Variants in CYTH3 observed in about 807,000 individuals in gnomAD.
CYTH3 encodes cytohesin-3.
A neutral mutation model predicts 55.1 loss-of-function variants in CYTH3; 23 were observed. That is an observed-to-expected ratio of 0.42 (90% CI 0.30 to 0.59). The LOEUF is 0.59. CYTH3 is among the 20% of genes least tolerant of loss of function. The probability of loss-of-function intolerance (pLI) is 0.20; values close to 1 mark genes in which losing one functional copy is unlikely to be tolerated. For missense variants in CYTH3, 413 were observed against 524.8 expected, an observed-to-expected ratio of 0.79 and a Z score of 2.08; for synonymous variants, 249 against 194.9, an observed-to-expected ratio of 1.28 and a Z score of -2.31.
intron 1 of CYTH3, among the ~76,000 whole-genome samples, chr7:6,256,578 C>T (rs1168246185): frequency 1.3e-5 from 2 of 152,178 alleles, no homozygotes; most frequent in Non-Finnish European, 2.9e-5. Context: ...GAGAAGCCCC[C>T]AGACTCCTCT....
intron 1 of CYTH3, among the ~76,000 whole-genome samples, chr7:6,203,844 G>T (rs113232726): frequency 6.6e-6 from 1 of 151,378 alleles, no homozygotes; most frequent in African/African-American, 2.4e-5. Flanking sequence ...TCAGCCTCCC[G>T]AGTAGCTGGG....
intron 1 of CYTH3, among the ~76,000 whole-genome samples, chr7:6,252,959 C>T (rs1161257327): frequency 6.6e-6 from 1 of 152,208 alleles, no homozygotes; most frequent in Non-Finnish European, 1.5e-5. Context: ...AATTTACCCA[C>T]ACACACATTC....
intron 1 of CYTH3, among the ~76,000 whole-genome samples, chr7:6,241,380 A>G (rs960209781): frequency 1.3e-5 from 2 of 152,210 alleles, no homozygotes; most frequent in Non-Finnish European, 2.9e-5. Flanking sequence ...ACCATTTCTG[A>G]CCCATCAGAC....
chr7:6,227,120 T>G (rs986375633), intron 1 of CYTH3, among the ~76,000 whole-genome samples: 16 of 150,416 alleles, frequency 1.1e-4, no homozygotes, highest in African/African-American at 3.9e-4. Context: ...GCACATGGTG[T>G]GCCCGCTCTC....
intron 1 of CYTH3, among the ~76,000 whole-genome samples, chr7:6,242,181 A>C (rs902804698): frequency 1.3e-5 from 2 of 151,868 alleles, no homozygotes; most frequent in East Asian, 3.9e-4. Context: ...GGTTCACACC[A>C]TTCTCCTGTC....
intron 1 of CYTH3, among the ~76,000 whole-genome samples, chr7:6,200,095 T>C (rs1784024549): frequency 6.6e-6 from 1 of 152,220 alleles, no homozygotes; most frequent in South Asian, 2.1e-4. Context: ...ATAATTTGTA[T>C]CTCAGAATCA....
At chr7:6,213,475 C>T (rs1301243173) in intron 1 of CYTH3, among the ~76,000 whole-genome samples, 2 of 152,086 alleles carry the variant, frequency 1.3e-5, no homozygotes, top group African/African-American at 2.4e-5. Context: ...ACAACAACGA[C>T]GGCTCTGATT....
At chr7:6,185,465 G>GA (rs1223727457) in intron 4 of CYTH3, among the ~76,000 whole-genome samples, 3 of 152,076 alleles carry the variant, frequency 2.0e-5, no homozygotes, top group African/African-American at 7.2e-5. Flanking sequence ...GGGAGGCCAA[G>GA]GTGGGCAGAT....
chr7:6,268,912 G>A (rs1024978248), intron 1 of CYTH3, among the ~76,000 whole-genome samples: 3 of 152,176 alleles, frequency 2.0e-5, no homozygotes, highest in Non-Finnish European at 4.4e-5. Context: ...TCAAGAGCAA[G>A]CTGCTGTTAC....
intron 1 of CYTH3, among the ~76,000 whole-genome samples, chr7:6,202,884 C>G (rs917875716): frequency 1.3e-5 from 2 of 151,904 alleles, no homozygotes; most frequent in Admixed American, 1.3e-4. Context: ...ACTTAAAAAC[C>G]AGAACAAAAA....
intron 1 of CYTH3, among the ~76,000 whole-genome samples, chr7:6,197,582 G>A (rs577926146): frequency 1.3e-5 from 2 of 152,192 alleles, no homozygotes; most frequent in South Asian, 2.1e-4. Flanking sequence ...ACCTGGGAGG[G>A]TGAAGCAGGA....
At position 6,187,667 on chromosome 7, in the gene CYTH3, C is replaced by A. The variant is rs142012512; in HGVS notation, c.172G>T (p.Val58Leu). 4 of 1,613,488 alleles carry A rather than the reference C, an allele frequency of 2.5e-6. No individual in the cohort carries two copies. The highest frequency in any genetic ancestry group is 2.5e-6 in the Non-Finnish European group (3 of 1,179,436). Residue 58 changes from valine (V) to leucine (L), a missense_variant, in exon 3 of 13, where the codon GTA (valine) becomes TTA (leucine). By Grantham distance (32) the Val-to-Leu change is conservative (BLOSUM62 1). Around this residue, in one of 4 missense-constraint regions of CYTH3, gnomAD observed 152 missense variants for 148.1 expected, o/e 1.03. Coordinates refer to ENST00000350796, the MANE Select transcript of CYTH3 (RefSeq NM_004227.4). ...VMTEIDNLTS[V>L]EESKTTQRNK... ...GCCACAAATTGTTACCTCTCCTCTA[C>A]GGAAGTTAGATTGTCGATCTCTGTC... is the stretch of plus-strand genomic sequence containing the variant.
chr7:6,205,241 A>C (rs540461446), intron 1 of CYTH3, among the ~76,000 whole-genome samples: 1 of 152,272 alleles, frequency 6.6e-6, no homozygotes, highest in South Asian at 2.1e-4. Flanking sequence ...ATTCTAAATA[A>C]ATCATTGGTC....
At chr7:6,228,429 G>A (rs1210238820) in intron 1 of CYTH3, among the ~76,000 whole-genome samples, 1 of 152,162 alleles carries the variant, frequency 6.6e-6, no homozygotes, top group Non-Finnish European at 1.5e-5. Context: ...TAGGGGGAGG[G>A]GAGGGGTTGG....
intron 5 of CYTH3, among the ~76,000 whole-genome samples, chr7:6,174,536 T>TA (rs1783285970): frequency 7.1e-6 from 1 of 140,848 alleles, no homozygotes; most frequent in African/African-American, 2.7e-5. Context: ...TATCTCCTTG[T>TA]GGGTTTTTTT....
chr7:6,174,575 T>C (rs1177128330), intron 5 of CYTH3, among the ~76,000 whole-genome samples: 2 of 131,802 alleles, frequency 1.5e-5, no homozygotes, highest in Admixed American at 8.5e-5. Context: ...CCAGACAGAG[T>C]CTCGCTCTGC....
intron 1 of CYTH3, among the ~76,000 whole-genome samples, chr7:6,191,880 C>T (rs1783811831): frequency 6.6e-6 from 1 of 151,888 alleles, no homozygotes; most frequent in Admixed American, 6.6e-5. Flanking sequence ...AGTTCGAGAC[C>T]AGCCTGGGCA....
At chr7:6,201,034 G>T (rs1784048914) in intron 1 of CYTH3, among the ~76,000 whole-genome samples, 1 of 152,176 alleles carries the variant, frequency 6.6e-6, no homozygotes, top group Admixed American at 6.5e-5. Context: ...TGCTGGGATT[G>T]TAGGTATGAG....
At chr7:6,270,220 T>C (rs1187437821) in intron 1 of CYTH3, among the ~76,000 whole-genome samples, 2 of 152,246 alleles carry the variant, frequency 1.3e-5, no homozygotes, top group African/African-American at 2.4e-5. Flanking sequence ...ATCACTCATA[T>C]TTCAAAACTT....
Sources: allele counts gnomAD v4.1 joint callset (sites outside exome capture counted in the v4.1 genomes callset), GRCh38; gene constraint gnomAD v4.1.1; regional missense constraint gnomAD v4.1.1; transcripts MANE v1.5; gene names NCBI Gene and HGNC (gene_info 2026-07-23, HGNC 2026-07-21).